Variants in C2orf72 observed in about 807,000 individuals in gnomAD.
C2orf72 encodes chromosome 2 open reading frame 72, also known as uncharacterized protein C2orf72.
A neutral mutation model predicts 14.4 loss-of-function variants in C2orf72; 16 were observed. The ratio of observed to expected loss-of-function variants is 1.11; its 90% CI spans 0.75 to 1.69. The LOEUF (loss-of-function observed/expected upper bound fraction) is 1.69, where lower values mean the gene tolerates loss of function less well. Among genes scored for constraint, C2orf72 ranks in the 40% most tolerant of loss-of-function variants. The pLI is 0.00. For synonymous variants in C2orf72, 168 were observed against 176.8 expected (o/e 0.95, Z 0.40); for missense variants, 371 against 358.3 (o/e 1.04, Z -0.29).
At position 231,048,648 on chromosome 2, in the gene C2orf72, T is replaced by TAA. The variant is rs1264214318; in HGVS notation, c.*1628_*1629dup. On this transcript the variant is annotated 3_prime_UTR_variant, in exon 3 of 3. Coordinates refer to ENST00000373640, the MANE Select transcript of C2orf72 (RefSeq NM_001144994.2). ...AACCTATTCTCCATAATAGGGAGTC[T>TAA]AATCCTATTCCTTCCCTGCCTGATG... 6.6e-6 allele frequency: 1 copy of TAA among 152,306 alleles called. No individual in the cohort carries two copies. The highest frequency in any genetic ancestry group is 1.9e-4 in the East Asian group (1 of 5,198). 9.4% of individuals were successfully genotyped at this position (152,306 alleles called of 1,614,324 possible). A position where few individuals can be genotyped will look rare whatever the true frequency, so the allele number is the denominator to read the frequency against.
chr2:231,044,134 C>T (rs572463626), intron 2 of C2orf72, among the ~76,000 whole-genome samples: 1 of 150,536 alleles, frequency 6.6e-6, no homozygotes, highest in South Asian at 2.1e-4. Context: ...CTGCATAGGA[C>T]ACTTACCATG....
At chr2:231,045,830 G>GTCTTATGGGACCACTC (rs1222730201) in intron 2 of C2orf72, among the ~76,000 whole-genome samples, 2 of 152,134 alleles carry the variant, frequency 1.3e-5, no homozygotes, top group Non-Finnish European at 2.9e-5. Context: ...CTGTGTTTCA[G>GTCTTATGGGACCACTC]TCTTATGGGA....
intron 1 of C2orf72, among the ~76,000 whole-genome samples, chr2:231,039,427 C>A (rs1214714744): frequency 6.6e-6 from 1 of 151,742 alleles, no homozygotes; most frequent in Admixed American, 6.6e-5. Flanking sequence ...GCCCTTCAAG[C>A]CCTCCAGCCC....
At position 231,038,183 on chromosome 2, in the gene C2orf72, C is replaced by G; in HGVS notation, c.618C>G (p.Ala206=). The G allele has an allele frequency of 8.4e-7, 1 of 1,192,888 alleles. No individual in the cohort carries two copies. Among genetic ancestry groups the G allele is most frequent in the Non-Finnish European group, 1.0e-6 (1 of 962,666 alleles). The allele number at this position is 1,192,888 out of a possible 1,614,324, so 73.9% of individuals were successfully genotyped here. The part of the protein sequence containing the change: ...QAAACRALQA[A]GAGQPVEGAW... ...CCGCCTGCAGGGCCCTGCAAGCCGC[C>G]GGAGCCGGGCAACCAGGTGAGACTG... Residue 206 remains alanine (A), a synonymous_variant, in exon 1 of 3, where the codon GCC becomes GCG. Coordinates refer to ENST00000373640, the MANE Select transcript of C2orf72 (RefSeq NM_001144994.2).
Position 231,037,579 on chromosome 2 carries a change from T to C in C2orf72, c.14T>C (p.Leu5Pro). Residue 5 changes from leucine to proline, a missense_variant, in exon 1 of 3, where the codon CTG becomes CCG. This residue lies in a region of C2orf72 where 214 missense variants were observed against 178.7 expected (regional missense o/e 1.20). Coordinates refer to ENST00000373640, the MANE Select transcript of C2orf72 (RefSeq NM_001144994.2). ...GCGGCGGCCAGCATGGAGCGCGAGC[T>C]GGAGGCGCTGGCGGCCCGGCTTGCG... Reference protein sequence around the residue: MERELEALAARLARP... With the variant: MEREPEALAARLARP... 2 of 1,051,198 alleles carry C rather than the reference T, an allele frequency of 1.9e-6. No individual in the cohort carries two copies. Among genetic ancestry groups the C allele is most frequent in the Non-Finnish European group, 2.3e-6 (2 of 874,852 alleles). The allele number at this position is 1,051,198 out of a possible 1,614,324, so 65.1% of individuals were successfully genotyped here.
intron 2 of C2orf72, among the ~76,000 whole-genome samples, chr2:231,044,392 C>T (rs1432488221): frequency 1.3e-5 from 2 of 152,172 alleles, no homozygotes; most frequent in African/African-American, 4.8e-5. Context: ...CCTGTAGACC[C>T]TGCTACTCCA....
Position 231,037,581 on chromosome 2 carries a change from G to C in C2orf72, c.16G>C (p.Glu6Gln), listed in dbSNP as rs1312458293. The change falls in exon 1 of 3, where the codon GAG (glutamate) becomes CAG (glutamine). Residue 6 changes from glutamate (E) to glutamine (Q), a missense_variant. Physicochemically the swap from Glu to Gln is conservative, Grantham distance 29 (BLOSUM62 2). This residue lies in a region of C2orf72 where 214 missense variants were observed against 178.7 expected (regional missense o/e 1.20). Coordinates refer to ENST00000373640, the MANE Select transcript of C2orf72 (RefSeq NM_001144994.2). MEREL[E>Q]ALAARLARPA... is the part of the protein sequence containing the mutation. ...GGCGGCCAGCATGGAGCGCGAGCTG[G>C]AGGCGCTGGCGGCCCGGCTTGCGCG... 9.5e-5 allele frequency: 100 copies of C among 1,054,740 alleles called. 1 individual carries two copies. In the Admixed American group the frequency reaches 5.4e-3, roughly 57 times the overall value. 65.3% of individuals were successfully genotyped at this position (1,054,740 alleles called of 1,614,324 possible).
In C2orf72 at chr2:231,037,656, G is replaced by A. The variant is rs1451583845; in HGVS notation, c.91G>A (p.Gly31Arg). 9.0e-7 allele frequency: 1 copy of A among 1,117,238 alleles called. No homozygotes were observed. The highest frequency in any genetic ancestry group is 1.1e-6 in the Non-Finnish European group (1 of 911,158). 69.2% of individuals were successfully genotyped at this position (1,117,238 alleles called of 1,614,324 possible). A position where few individuals can be genotyped will look rare whatever the true frequency, so the allele number is the denominator to read the frequency against. Residue 31 changes from glycine (G) to arginine (R), a missense_variant, in exon 1 of 3, where the codon GGG (glycine) becomes AGG (arginine). Physicochemically the swap from Gly to Arg is moderately radical, Grantham distance 125 (BLOSUM62 -2). This residue lies in a region of C2orf72 where 214 missense variants were observed against 178.7 expected (regional missense o/e 1.20). Transcript: ENST00000373640. ...QALVEAAGGR[G>R]QVLLVGELWE... ...GTTGGTGGAAGCGGCGGGGGGCCGC[G>A]GGCAGGTGCTGCTGGTGGGCGAGCT...
chr2:231,041,451 A>G (rs1693338627), intron 2 of C2orf72, 42 bp downstream of exon 2: 2 of 1,435,786 alleles, frequency 1.4e-6, no homozygotes, highest in East Asian at 2.5e-5. Flanking sequence ...GGCCAGGTGC[A>G]TGGAATTATG....
intron 1 of C2orf72, 38 bp downstream of exon 1, chr2:231,038,237 G>C (rs746312522): frequency 5.9e-6 from 7 of 1,176,674 alleles, no homozygotes; most frequent in African/African-American, 3.2e-5. Flanking sequence ...GCGGGCGGGC[G>C]GTGGCTCGGG....
intron 2 of C2orf72, among the ~76,000 whole-genome samples, chr2:231,041,752 A>G (rs566742597): frequency 6.6e-6 from 1 of 152,118 alleles, no homozygotes; most frequent in Admixed American, 6.5e-5. Context: ...TCCTAGAGCA[A>G]GTGATATTTG....
chr2:231,045,471 G>A (rs934050746), intron 2 of C2orf72, among the ~76,000 whole-genome samples: 7 of 150,468 alleles, frequency 4.7e-5, no homozygotes, highest in African/African-American at 1.5e-4. Context: ...ACAACTACAA[G>A]GTTACTAGGT....
chr2:231,041,094 A>G, intron 1 of C2orf72: 1 of 517,198 alleles, frequency 1.9e-6, no homozygotes, highest in Non-Finnish European at 3.4e-6. Flanking sequence ...ATGAGATAAC[A>G]TAGATAAAAG....
Position 231,038,075 on chromosome 2 carries a change from GT to G in C2orf72, c.512del (p.Phe171SerfsTer55). ...RLLEALLRAV[F>X]GRQAGGPVQA... Reference sequence around the variant, plus strand: ...TGCTGGAGGCGCTGTTGCGCGCCGTGTTCGGCCGCCAGGCGGGGGGGCCCGT... The same window carrying G: ...TGCTGGAGGCGCTGTTGCGCGCCGTGTCGGCCGCCAGGCGGGGGGGCCCGT... On this transcript the variant is annotated frameshift_variant, in exon 1 of 3. Transcript: ENST00000373640. LOFTEE classifies it high-confidence loss of function. 8.8e-7 allele frequency: 1 copy of G among 1,136,486 alleles called. No homozygotes were observed. The highest frequency in any genetic ancestry group is 1.1e-6 in the Non-Finnish European group (1 of 927,584). 70.4% of individuals were successfully genotyped at this position (1,136,486 alleles called of 1,614,324 possible). A position where few individuals can be genotyped will look rare whatever the true frequency, so the allele number is the denominator to read the frequency against.
At chr2:231,039,667 T>C (rs1308374994) in intron 1 of C2orf72, among the ~76,000 whole-genome samples, 4 of 152,156 alleles carry the variant, frequency 2.6e-5, no homozygotes, top group Non-Finnish European at 5.9e-5. Context: ...CTGATTTTTG[T>C]TTCAACCCCT....
chr2:231,041,455 A>G, intron 2 of C2orf72, 46 bp downstream of exon 2: 1 of 1,426,200 alleles, frequency 7.0e-7, no homozygotes, highest in African/African-American at 1.4e-5. Context: ...AGGTGCATGG[A>G]ATTATGGGAG....
chr2:231,041,472 C>A, intron 2 of C2orf72, 63 bp downstream of exon 2: 1 of 1,311,250 alleles, frequency 7.6e-7, no homozygotes, highest in Non-Finnish European at 1.1e-6. Context: ...GGAGTGGTCA[C>A]GTGAACTTGG....
intron 1 of C2orf72, 46 bp downstream of exon 1, chr2:231,038,245 G>C (rs536193374): frequency 2.8e-5 from 33 of 1,171,678 alleles, no homozygotes; most frequent in Non-Finnish European, 3.5e-5. Context: ...GCGGTGGCTC[G>C]GGCACGTCCC....
intron 2 of C2orf72, among the ~76,000 whole-genome samples, chr2:231,044,924 C>G (rs556081220): frequency 1.6e-5 from 2 of 128,922 alleles, no homozygotes; most frequent in African/African-American, 6.3e-5. Context: ...ACTTTATATA[C>G]GTGTGTGTGT....
Sources: allele counts gnomAD v4.1 joint callset (sites outside exome capture counted in the v4.1 genomes callset), GRCh38; gene constraint gnomAD v4.1.1; regional missense constraint gnomAD v4.1.1; transcripts MANE v1.5; gene names NCBI Gene and HGNC (gene_info 2026-07-23, HGNC 2026-07-21).